NFE2: variants seen among roughly 807,000 people sequenced by gnomAD.
NFE2 encodes the protein nuclear factor, erythroid 2.
NFE2 carries 13 observed loss-of-function variants against 25.8 expected under a neutral mutation model. The observed-to-expected ratio is 0.50, with a 90% confidence interval of 0.33 to 0.80. The LOEUF is 0.80. Among genes scored for constraint, NFE2 ranks in the 30% least tolerant of loss-of-function variants. The probability of loss-of-function intolerance (pLI) is 0.02; values close to 1 mark genes in which losing one functional copy is unlikely to be tolerated. For missense variants in NFE2, 382 were observed against 478.9 expected (o/e 0.80, Z 1.89); for synonymous variants, 204 against 200.2 (o/e 1.02, Z -0.16).
chr12:54,295,182 C>T lies in NFE2; in HGVS notation c.67G>A (p.Glu23Lys). Residue 23 changes from glutamate (E) to lysine (K), a missense_variant, in exon 2 of 3, where the codon GAG becomes AAG. By Grantham distance (56) the Glu-to-Lys change is moderately conservative. Coordinates refer to ENST00000435572, the MANE Select transcript of NFE2 (RefSeq NM_001136023.3). ...ATCTCCTGCCAAGTCAGTTCCATCTCTCCTAGCTCTGAAGTGGACAGCTGT... is the reference window on the plus strand; with the variant it reads ...ATCTCCTGCCAAGTCAGTTCCATCTTTCCTAGCTCTGAAGTGGACAGCTGT... ...VIQLSTSELGEMELTWQEIMS... is the reference protein window; with the variant it reads ...VIQLSTSELGKMELTWQEIMS... 6.2e-7 allele frequency: 1 copy of T among 1,614,174 alleles called. No individual in the cohort carries two copies. The highest frequency in any genetic ancestry group is 8.5e-7 in the Non-Finnish European group (1 of 1,180,010).
chr12:54,299,982 C>G (rs1305218660), intron 1 of NFE2, among the ~76,000 whole-genome samples: 1 of 152,070 alleles, frequency 6.6e-6, no homozygotes, highest in Non-Finnish European at 1.5e-5. Context: ...GAGATTTAAG[C>G]ATAGTGAGCT....
intron 1 of NFE2, among the ~76,000 whole-genome samples, chr12:54,296,290 G>T (rs1944371412): frequency 6.6e-6 from 1 of 151,450 alleles, no homozygotes; most frequent in Non-Finnish European, 1.5e-5. Flanking sequence ...CATGTCTGTA[G>T]TCCCAGCTAC....
intron 1 of NFE2, among the ~76,000 whole-genome samples, chr12:54,299,439 C>A (rs976725857): frequency 2.6e-5 from 4 of 152,286 alleles, no homozygotes; most frequent in Non-Finnish European, 4.4e-5. Flanking sequence ...TACAGTTTAG[C>A]TTTTGCATTT....
At chr12:54,293,647 G>C (rs568338232) in intron 2 of NFE2, among the ~76,000 whole-genome samples, 2 of 151,322 alleles carry the variant, frequency 1.3e-5, no homozygotes, top group Admixed American at 1.3e-4. Flanking sequence ...TCAGGAGTTC[G>C]AGACCAGCCT....
At chr12:54,300,451 G>T (rs981320740) in intron 1 of NFE2, among the ~76,000 whole-genome samples, 4 of 152,088 alleles carry the variant, frequency 2.6e-5, no homozygotes, top group African/African-American at 7.2e-5. Context: ...GAATGGAGTT[G>T]GGGAAAGGGT....
intron 1 of NFE2, among the ~76,000 whole-genome samples, chr12:54,300,478 C>T (rs1175576692): frequency 2.0e-5 from 3 of 152,152 alleles, no homozygotes; most frequent in Non-Finnish European, 4.4e-5. Context: ...TTGGTTCCCT[C>T]AGGGTAGCCC....
At chr12:54,295,089 T>A (rs1406789262) in intron 2 of NFE2, 46 bp downstream of exon 2, 8 of 1,537,276 alleles carry the variant, frequency 5.2e-6, no homozygotes, top group Non-Finnish European at 7.2e-6. Context: ...CCTGCTTCTC[T>A]CTTCTCCGAC....
intron 1 of NFE2, chr12:54,295,555 G>A: frequency 3.8e-6 from 1 of 263,396 alleles, no homozygotes. Flanking sequence ...TTTTTTCCAG[G>A]CAAAATGCCC....
intron 2 of NFE2, 111 bp from the exon 3 acceptor site, chr12:54,293,492 A>C (rs1278076082): frequency 8.1e-7 from 1 of 1,234,662 alleles, no homozygotes; most frequent in Non-Finnish European, 1.1e-6. Context: ...AGTAACAAGG[A>C]AACAAAGTTG....
At chr12:54,297,567 A>G (rs1165017005) in intron 1 of NFE2, among the ~76,000 whole-genome samples, 1 of 142,132 alleles carries the variant, frequency 7.0e-6, no homozygotes, top group Admixed American at 7.2e-5. Flanking sequence ...CAGGAGGCTG[A>G]GGCAGGGAGA....
intron 2 of NFE2, 36 bp downstream of exon 2, chr12:54,295,099 C>A (rs746498872): frequency 6.4e-7 from 1 of 1,571,676 alleles, no homozygotes; most frequent in African/African-American, 1.3e-5. Context: ...TCTTCTCCGA[C>A]ACACGGCCTC....
Position 54,292,178 on chromosome 12 carries a change from C to T in NFE2, c.*196G>A, listed in dbSNP as rs1592178356. 7 of 603,010 alleles carry T rather than the reference C, an allele frequency of 1.2e-5. No individual in the cohort carries two copies. In the East Asian group the frequency reaches 1.7e-4, roughly 14 times the overall value. The allele number at this position is 603,010 out of a possible 1,614,324, so 37.4% of individuals were successfully genotyped here. On this transcript the variant is annotated 3_prime_UTR_variant, in exon 3 of 3. Coordinates refer to ENST00000435572, the MANE Select transcript of NFE2 (RefSeq NM_001136023.3). ...AGGCTAAAGACCTGAGGAGCCGAGT[C>T]AGGGAAGACAGATTCCAGCCCTCCC...
chr12:54,300,501 A>G (rs946732547), intron 1 of NFE2, among the ~76,000 whole-genome samples: 5 of 152,106 alleles, frequency 3.3e-5, no homozygotes, highest in Non-Finnish European at 7.4e-5. Flanking sequence ...CAGTTGAAGG[A>G]TTCCTCCTGG....
intron 1 of NFE2, among the ~76,000 whole-genome samples, chr12:54,299,789 C>T (rs779926191): frequency 1.3e-5 from 2 of 151,978 alleles, no homozygotes; most frequent in East Asian, 3.9e-4. Flanking sequence ...TTTTCTGAGG[C>T]TTATTTGACC....
At chr12:54,299,430 A>G (rs1292065376) in intron 1 of NFE2, among the ~76,000 whole-genome samples, 1 of 152,186 alleles carries the variant, frequency 6.6e-6, no homozygotes, top group Non-Finnish European at 1.5e-5. Flanking sequence ...CTCCCACTTT[A>G]CAGTTTAGCT....
intron 2 of NFE2, among the ~76,000 whole-genome samples, chr12:54,293,588 A>T (rs1267395966): frequency 6.6e-6 from 1 of 152,138 alleles, no homozygotes; most frequent in Non-Finnish European, 1.5e-5. Flanking sequence ...GGTGGCTCAC[A>T]CCTATAATCC....
rs1296093714 is a variant in NFE2, at chr12:54,293,161, A to G, written c.335T>C (p.Leu112Pro). The G allele has an allele frequency of 5.8e-6, 9 of 1,554,556 alleles. No homozygotes were observed. The highest frequency in any genetic ancestry group is 7.8e-6 in the Non-Finnish European group (9 of 1,147,800). Reference sequence around the variant, plus strand: ...GAGCGGCTCACTGAGCAGGCCTGAGAGGCTCAGTGGCTTGGAGACTGGTAT... The same window carrying G: ...GAGCGGCTCACTGAGCAGGCCTGAGGGGCTCAGTGGCTTGGAGACTGGTAT... ...MAIPVSKPLS[L>P]SGLLSEPLQD... Residue 112 changes from leucine (L) to proline (P), a missense_variant, in exon 3 of 3, where the codon CTC becomes CCC. Coordinates refer to ENST00000435572, the MANE Select transcript of NFE2 (RefSeq NM_001136023.3).
At position 54,295,236 on chromosome 12, in the gene NFE2, G is replaced by C. The variant is rs1394540831; in HGVS notation, c.13C>G (p.Pro5Ala). 6.2e-7 allele frequency: 1 copy of C among 1,613,912 alleles called. No individual in the cohort carries two copies. The highest frequency in any genetic ancestry group is 8.5e-7 in the Non-Finnish European group (1 of 1,179,946). The change falls in exon 2 of 3, where the codon CCT (proline) becomes GCT (alanine). Residue 5 changes from proline (P) to alanine (A), a missense_variant. Coordinates refer to ENST00000435572, the MANE Select transcript of NFE2 (RefSeq NM_001136023.3). ...ACCCTGTTCCTGCTCTGCTGGGGAG[G>C]ACACGGGGACATCCTACTGGGCCAG... Reference protein sequence around the residue: MSPCPPQQSRNRVIQ... With the variant: MSPCAPQQSRNRVIQ...
In NFE2 at chr12:54,295,141, C is replaced by T; in HGVS notation, c.108G>A (p.Glu36=). The change falls in exon 2 of 3, where the codon GAG becomes GAA. Residue 36 remains glutamate (E), a synonymous_variant. Transcript: ENST00000435572. ...CCTATCCCCCCTTACTCACCTGCAGCTCGGTGATGGACATGATCTCCTGCC... is the reference window on the plus strand; with the variant it reads ...CCTATCCCCCCTTACTCACCTGCAGTTCGGTGATGGACATGATCTCCTGCC... The part of the protein sequence containing the change: ...LTWQEIMSIT[E]LQGLNAPSEP... 1 of 1,613,340 alleles carries T rather than the reference C, an allele frequency of 6.2e-7. No homozygotes were observed. Among genetic ancestry groups the T allele is most frequent in the African/African-American group, 1.3e-5 (1 of 75,006 alleles).
Sources: allele counts gnomAD v4.1 joint callset (sites outside exome capture counted in the v4.1 genomes callset), GRCh38; gene constraint gnomAD v4.1.1; transcripts MANE v1.5; gene names NCBI Gene and HGNC (gene_info 2026-07-23, HGNC 2026-07-21).